COL5A2: variants seen among roughly 807,000 people sequenced by gnomAD.
The protein encoded by COL5A2 is collagen type V alpha 2 chain.
COL5A2 carries 23 observed loss-of-function variants against 208.2 expected under a neutral mutation model. The ratio of observed to expected loss-of-function variants is 0.11; its 90% CI spans 0.08 to 0.16. The LOEUF (loss-of-function observed/expected upper bound fraction) is 0.16, where lower values mean the gene tolerates loss of function less well. COL5A2 is among the 10% of genes least tolerant of loss of function. The pLI is 1.00. For missense variants in COL5A2, 1,590 were observed against 1,956.4 expected, an observed-to-expected ratio of 0.81 and a Z score of 3.53; for synonymous variants, 625 against 628.5, an observed-to-expected ratio of 0.99 and a Z score of 0.08.
the COL5A2 span, among the ~76,000 whole-genome samples, chr2:189,245,643 C>A: frequency 6.6e-6 from 1 of 152,004 alleles, no homozygotes; most frequent in East Asian, 1.9e-4. Context: ...TGCCACCGTG[C>A]CTGGCTAATT....
chr2:189,251,110 C>A, the COL5A2 span, among the ~76,000 whole-genome samples: 3 of 151,322 alleles, frequency 2.0e-5, no homozygotes, highest in East Asian at 5.9e-4. Context: ...AAACAGCACT[C>A]AAATTGATGG....
the COL5A2 span, among the ~76,000 whole-genome samples, chr2:189,258,785 C>A: frequency 6.6e-6 from 1 of 152,036 alleles, no homozygotes; most frequent in Non-Finnish European, 1.5e-5. Flanking sequence ...CGCCAGAGAG[C>A]AACATGGTGG....
chr2:189,353,633 T>C, the COL5A2 span, among the ~76,000 whole-genome samples: 1 of 152,230 alleles, frequency 6.6e-6, no homozygotes, highest in Non-Finnish European at 1.5e-5. Flanking sequence ...TTTCTGCACA[T>C]TGATTTTGTA....
the COL5A2 span, among the ~76,000 whole-genome samples, chr2:189,413,940 C>T: frequency 0.57 from 85,747 of 151,428 alleles, 26,041 homozygotes; most frequent in East Asian, 0.69. Flanking sequence ...TACAGGCGCC[C>T]GCCACTGCGC....
chr2:189,076,555 A>G (rs1686409319), intron 16 of COL5A2, among the ~76,000 whole-genome samples: 3 of 152,218 alleles, frequency 2.0e-5, no homozygotes, highest in African/African-American at 7.2e-5. Flanking sequence ...GCTGATGGTG[A>G]TAAATCACCA....
At chr2:189,198,107 C>T (rs1396823783) in intron 1 of COL5A2, among the ~76,000 whole-genome samples, 1 of 152,108 alleles carries the variant, frequency 6.6e-6, no homozygotes, top group African/African-American at 2.4e-5. Context: ...CTTACCTTAA[C>T]CTTTAATATG....
At chr2:189,056,916 A>G in intron 35 of COL5A2, 57 bp downstream of exon 35, 4 of 1,527,074 alleles carry the variant, frequency 2.6e-6, no homozygotes, top group Non-Finnish European at 3.6e-6. Flanking sequence ...AGGGAAACTC[A>G]TATGATACTG....
chr2:189,198,712 T>C (rs1689036104), intron 1 of COL5A2, among the ~76,000 whole-genome samples: 1 of 124,666 alleles, frequency 8.0e-6, no homozygotes, highest in Admixed American at 8.6e-5. Context: ...ATCAACTCTG[T>C]ACCTGCCCCT....
At chr2:189,373,839 ATTC>A in the COL5A2 span, among the ~76,000 whole-genome samples, 1 of 152,174 alleles carries the variant, frequency 6.6e-6, no homozygotes, top group Admixed American at 6.5e-5. Context: ...CGGTTCTATA[ATTC>A]TTCTCTCCTA....
At chr2:189,357,038 G>C in the COL5A2 span, among the ~76,000 whole-genome samples, 1 of 152,312 alleles carries the variant, frequency 6.6e-6, no homozygotes, top group South Asian at 2.1e-4. Flanking sequence ...TCCAGACCCT[G>C]TTTGCCTGGG....
At chr2:189,419,952 G>C in the COL5A2 span, among the ~76,000 whole-genome samples, 2 of 148,086 alleles carry the variant, frequency 1.4e-5, no homozygotes, top group African/African-American at 5.0e-5. Context: ...GAAAGGAAAA[G>C]AGGTGAGAGG....
At chr2:189,281,752 C>T in the COL5A2 span, among the ~76,000 whole-genome samples, 13 of 152,214 alleles carry the variant, frequency 8.5e-5, no homozygotes, top group Admixed American at 8.5e-4. Context: ...AAACAAAGTC[C>T]CTGATCTTTC....
intron 1 of COL5A2, among the ~76,000 whole-genome samples, chr2:189,157,691 G>T (rs1688281570): frequency 6.6e-6 from 1 of 151,928 alleles, no homozygotes; most frequent in East Asian, 1.9e-4. Context: ...TTCTTCAGTG[G>T]AATTAAATGT....
intron 19 of COL5A2, 76 bp from the exon 20 acceptor site, chr2:189,068,346 C>G (rs558046345): frequency 1.6e-6 from 2 of 1,226,170 alleles, no homozygotes. Flanking sequence ...TACAGATGTC[C>G]AGCCATCTTC....
the COL5A2 span, among the ~76,000 whole-genome samples, chr2:189,286,646 T>G: frequency 3.9e-5 from 6 of 152,266 alleles, no homozygotes; most frequent in South Asian, 1.2e-3. Context: ...ACTTACAGTC[T>G]TCAATGGTTT....
chr2:189,390,192 T>A, the COL5A2 span, among the ~76,000 whole-genome samples: 1 of 151,926 alleles, frequency 6.6e-6, no homozygotes, highest in African/African-American at 2.4e-5. Context: ...AGACTCACCA[T>A]CTTAGCAACC....
At chr2:189,098,680 T>A (rs772163794) in intron 5 of COL5A2, 47 bp downstream of exon 5, 1 of 1,422,788 alleles carries the variant, frequency 7.0e-7, no homozygotes, top group Non-Finnish European at 9.9e-7. Context: ...ATTTTCAGTA[T>A]CTCAAGGAAT....
chr2:189,178,578 G>A (rs1270611381), intron 1 of COL5A2, among the ~76,000 whole-genome samples: 3 of 151,646 alleles, frequency 2.0e-5, no homozygotes, highest in Admixed American at 6.6e-5. Context: ...ATTTAATAGA[G>A]GAATCAATTT....
the COL5A2 span, among the ~76,000 whole-genome samples, chr2:189,302,788 C>T: frequency 4.6e-5 from 7 of 152,262 alleles, no homozygotes; most frequent in African/African-American, 1.4e-4. Flanking sequence ...CACTCCTGGT[C>T]TGTCAGTCCC....
Sources: gnomAD v4.1 joint callset for allele counts (sites outside exome capture counted in the v4.1 genomes callset) on GRCh38, gnomAD v4.1.1 for gene constraint, MANE v1.5 for transcripts, NCBI Gene and HGNC (gene_info 2026-07-23, HGNC 2026-07-21) for gene names.